The following HDGFL3 variants were observed in gnomAD, a reference collection of about 807,000 sequenced individuals.
HDGFL3 encodes the protein hepatoma-derived growth factor-related protein 3.
Under a neutral mutation model 27.6 loss-of-function variants are expected in HDGFL3, and 6 were observed. The observed-to-expected ratio is 0.22, with a 90% CI of 0.12 to 0.43. HDGFL3 has a LOEUF of 0.43. Among genes scored for constraint, HDGFL3 ranks in the 20% least tolerant of loss-of-function variants. The pLI is 1.00. For synonymous variants in HDGFL3, 88 were observed against 88.9 expected (o/e 0.99, Z 0.05); for missense variants, 207 against 250.1 (o/e 0.83, Z 1.16).
rs2036949232 is a variant in HDGFL3 at position 83,150,413 on chromosome 15, G to A, written c.606+802C>T. ...GATAAGCAGAGGATAGAGTAGGGCT[G>A]AGCTGGGTGAGAGGAATAAGAGAAC... On this transcript the variant is annotated intron_variant, in intron 5 of 5. Coordinates refer to ENST00000299633, the MANE Select transcript of HDGFL3 (RefSeq NM_016073.4). 3.9e-5 allele frequency among the ~76,000 whole-genome samples: 6 copies of A among 152,130 alleles called. No individual in the cohort carries two copies. The South Asian group carries it at 1.0e-3, about 26-fold the overall frequency.
In HDGFL3 at chr15:83,192,099, G is replaced by A. The variant is rs1408118220; in HGVS notation, c.84+15232C>T. Among the ~76,000 whole-genome samples, 5 of 151,894 alleles carry A rather than the reference G, an allele frequency of 3.3e-5. 1 individual carries two copies. The highest frequency in any genetic ancestry group is 1.2e-4 in the African/African-American group (5 of 41,394). On this transcript the variant is annotated intron_variant, in intron 1 of 5. Coordinates refer to ENST00000299633, the MANE Select transcript of HDGFL3 (RefSeq NM_016073.4). ...TGGGGTTAGAGATGCCTGCCACCAC[G>A]CCTGGCTAATTTTTTGTATTTTTGT...
At chr15:83,164,363 T>A (rs1373774100) in intron 1 of HDGFL3, among the ~76,000 whole-genome samples, 30 of 7,788 alleles carry the variant, frequency 3.9e-3, no homozygotes, top group African/African-American at 5.5e-3. Flanking sequence ...AAAATTAGAG[T>A]AACCAAAAAA....
intron 2 of HDGFL3, among the ~76,000 whole-genome samples, chr15:83,163,195 GA>G (rs1368651458): frequency 6.6e-5 from 10 of 152,208 alleles, no homozygotes; most frequent in Admixed American, 6.5e-4. Context: ...CCTGCTGTCT[GA>G]TGTTTCCTTT....
At chr15:83,187,725 A>G (rs911574335) in intron 1 of HDGFL3, among the ~76,000 whole-genome samples, 1 of 151,962 alleles carries the variant, frequency 6.6e-6, no homozygotes, top group East Asian at 1.9e-4. Flanking sequence ...CCCGTCTCCA[A>G]TAAAAATACA....
rs1306484585 is a variant in HDGFL3 at position 83,157,650 on chromosome 15, GT to G, written c.301-78del. 6 of 1,346,102 alleles carry G rather than the reference GT, an allele frequency of 4.5e-6. No homozygotes were observed. The African/African-American group carries it at 8.9e-5, about 20-fold the overall frequency. 83.4% of individuals were successfully genotyped at this position (1,346,102 alleles called of 1,614,324 possible). On this transcript the variant is annotated intron_variant, in intron 3 of 5. Coordinates refer to ENST00000299633, the MANE Select transcript of HDGFL3 (RefSeq NM_016073.4). Reference sequence around the variant, plus strand: ...AACAAACACTGAAAAGAACTACTCTGTTTTCATTTGAAAGGGTTCCGCTTAC... The same window carrying G: ...AACAAACACTGAAAAGAACTACTCTGTTTCATTTGAAAGGGTTCCGCTTAC...
At chr15:83,164,338 A>G (rs994457710) in intron 1 of HDGFL3, among the ~76,000 whole-genome samples, 19 of 141,270 alleles carry the variant, frequency 1.3e-4, no homozygotes, top group African/African-American at 4.5e-4. Flanking sequence ...TATTCCGGGG[A>G]ATCTGTCCTA....
chr15:83,207,450 C>T lies in HDGFL3; in HGVS notation c.-36G>A, dbSNP rs1317757252. The T allele has an allele frequency of 1.6e-6, 2 of 1,264,956 alleles. No individual in the cohort carries two copies. The highest frequency in any genetic ancestry group is 6.2e-5 in the East Asian group (2 of 32,206). The allele number at this position is 1,264,956 out of a possible 1,614,324, so 78.4% of individuals were successfully genotyped here. A position where few individuals can be genotyped will look rare whatever the true frequency, so the allele number is the denominator to read the frequency against. On this transcript the variant is annotated 5_prime_UTR_variant, in exon 1 of 6. Coordinates refer to ENST00000299633, the MANE Select transcript of HDGFL3 (RefSeq NM_016073.4). This position sits in a 1 kb window ranked among gnomAD's most constrained non-coding sequence, Gnocchi z 4.8. ...CCCCTTCCTGGTAGTCCTTGGTCGCCGCGAAGATGCCGGGAGGCCGCCCCC... is the reference window on the plus strand; with the variant it reads ...CCCCTTCCTGGTAGTCCTTGGTCGCTGCGAAGATGCCGGGAGGCCGCCCCC...
At chr15:83,155,864 T>C (rs905659968) in intron 4 of HDGFL3, among the ~76,000 whole-genome samples, 5 of 152,194 alleles carry the variant, frequency 3.3e-5, no homozygotes, top group African/African-American at 1.2e-4. Flanking sequence ...CAATCTTTGG[T>C]CTTCAAGGAT....
intron 1 of HDGFL3, among the ~76,000 whole-genome samples, chr15:83,182,991 A>G (rs11856164): frequency 0.2 from 30,848 of 152,144 alleles, 3,269 homozygotes; most frequent in Admixed American, 0.22. Context: ...ACTTTTGTGT[A>G]TATTTGAGTA....
intron 5 of HDGFL3, among the ~76,000 whole-genome samples, chr15:83,141,817 C>T (rs2036777234): frequency 6.6e-6 from 1 of 152,140 alleles, no homozygotes; most frequent in African/African-American, 2.4e-5. Context: ...ACATTTTGTA[C>T]TGAAATGAGT....
At chr15:83,119,234 G>T (rs550965327) in intron 3 of HDGFL3, among the ~76,000 whole-genome samples, 1 of 152,210 alleles carries the variant, frequency 6.6e-6, no homozygotes, top group African/African-American at 2.4e-5. Flanking sequence ...TCACTGCCAA[G>T]CACCTTGTGT....
rs1805575782 is a variant in HDGFL3, at chr15:83,136,951, A to C, written c.*2319T>G. ...ATTGTTTGACATATAAAATAATTAT[A>C]AGTGTAAAAAATTACAATTTAGTGC... On this transcript the variant is annotated 3_prime_UTR_variant, in exon 6 of 6. Coordinates refer to ENST00000299633, the MANE Select transcript of HDGFL3 (RefSeq NM_016073.4). The C allele has an allele frequency of 4.4e-6, 1 of 229,470 alleles. No homozygotes were observed. 14.2% of individuals were successfully genotyped at this position (229,470 alleles called of 1,614,324 possible).
At chr15:83,192,252 CTCTT>C (rs2151420370) in intron 1 of HDGFL3, 1 of 454,176 alleles carries the variant, frequency 2.2e-6, no homozygotes, top group African/African-American at 2.0e-5. Context: ...TGTAACTCAC[CTCTT>C]TCTAAGGATA....
chr15:83,171,955 C>T (rs893779869), intron 1 of HDGFL3, among the ~76,000 whole-genome samples: 7 of 152,288 alleles, frequency 4.6e-5, no homozygotes, highest in Admixed American at 1.3e-4. Context: ...CTCCCCTTTT[C>T]TCCTCATCCA....
intron 4 of HDGFL3, among the ~76,000 whole-genome samples, chr15:83,154,164 A>G (rs1239987595): frequency 1.3e-5 from 2 of 151,600 alleles, no homozygotes; most frequent in African/African-American, 2.4e-5. Flanking sequence ...GAAAAAAAAA[A>G]AAAGCAAAAA....
At chr15:83,158,463 A>G (rs2037059697) in intron 2 of HDGFL3, among the ~76,000 whole-genome samples, 1 of 152,208 alleles carries the variant, frequency 6.6e-6, no homozygotes, top group Admixed American at 6.5e-5. Context: ...AAAAGATTTT[A>G]ACTCTCTATA....
chr15:83,122,075 C>A (rs2151362905), intron 3 of HDGFL3: 2 of 1,212,558 alleles, frequency 1.6e-6, no homozygotes, highest in East Asian at 4.7e-5. Context: ...TAGAGAAGCT[C>A]TTTTAGTTAT....
exon 4 of HDGFL3, chr15:83,115,122 CTT>C (rs913490363): frequency 1.2e-4 from 18 of 146,508 alleles, no homozygotes; most frequent in Admixed American, 2.7e-4. Flanking sequence ...AAGTCATTGT[CTT>C]TTTTTTTTTT....
intron 1 of HDGFL3, among the ~76,000 whole-genome samples, chr15:83,168,355 A>T (rs1160177020): frequency 2.0e-5 from 3 of 152,244 alleles, no homozygotes; most frequent in Non-Finnish European, 2.9e-5. Flanking sequence ...GCAAGGATCA[A>T]TGAAACCAAA....
Sources: gnomAD v4.1 joint callset for allele counts (sites outside exome capture counted in the v4.1 genomes callset) on GRCh38, gnomAD v4.1.1 for gene constraint, Gnocchi (gnomAD v3.1) non-coding constraint, MANE v1.5 for transcripts, NCBI Gene and HGNC (gene_info 2026-07-23, HGNC 2026-07-21) for gene names.